The following GRID2 variants were observed in gnomAD, a reference collection of about 807,000 sequenced individuals.
The protein encoded by GRID2 is glutamate receptor ionotropic, delta-2.
In GRID2, 33 loss-of-function variants were observed where a neutral mutation model predicts 114.8. That is an observed-to-expected ratio of 0.29 (90% CI 0.22 to 0.38). The LOEUF (loss-of-function observed/expected upper bound fraction) is 0.38. Among genes scored for constraint, GRID2 ranks in the 10% least tolerant of loss-of-function variants. The pLI, the probability that GRID2 is intolerant of heterozygous loss-of-function variation, is 1.00. For synonymous variants in GRID2, 505 were observed against 449.9 expected (o/e 1.12, Z -1.55); for missense variants, 1,184 against 1,257.7 (o/e 0.94, Z 0.89).
At chr4:92,993,683 G>A (rs1755039586) in intron 2 of GRID2, among the ~76,000 whole-genome samples, 1 of 152,098 alleles carries the variant, frequency 6.6e-6, no homozygotes, top group Non-Finnish European at 1.5e-5. Context: ...TAGATCTCAG[G>A]TCACTGATTA....
intron 2 of GRID2, among the ~76,000 whole-genome samples, chr4:92,805,976 A>G (rs1300251203): frequency 6.6e-6 from 1 of 151,674 alleles, no homozygotes; most frequent in Non-Finnish European, 1.5e-5. Context: ...CTACACAATC[A>G]TATTTTGTAT....
At chr4:93,680,813 A>G (rs911120107) in intron 14 of GRID2, among the ~76,000 whole-genome samples, 1 of 152,150 alleles carries the variant, frequency 6.6e-6, no homozygotes. Flanking sequence ...CAAACCCCAC[A>G]GCCAATATCA....
intron 1 of GRID2, among the ~76,000 whole-genome samples, chr4:92,345,234 T>C (rs1727705110): frequency 6.6e-6 from 1 of 152,248 alleles, no homozygotes; most frequent in South Asian, 2.1e-4. Context: ...CCCGAGCTAC[T>C]TCACTTAGAA....
intron 2 of GRID2, among the ~76,000 whole-genome samples, chr4:92,986,728 A>C (rs1754529273): frequency 6.6e-6 from 1 of 152,176 alleles, no homozygotes; most frequent in African/African-American, 2.4e-5. Flanking sequence ...CTTTTTTAAA[A>C]AGCTGTAACA....
chr4:92,427,394 CAT>C (rs1732213155), intron 1 of GRID2, among the ~76,000 whole-genome samples: 1 of 152,224 alleles, frequency 6.6e-6, no homozygotes, highest in Non-Finnish European at 1.5e-5. Context: ...AGCATACAAA[CAT>C]AGGTTTGTTG....
At chr4:92,436,918 T>C (rs1000114571) in intron 1 of GRID2, among the ~76,000 whole-genome samples, 3 of 152,148 alleles carry the variant, frequency 2.0e-5, no homozygotes, top group African/African-American at 7.2e-5. Context: ...AAATAATAGG[T>C]AATGAATGCT....
intron 8 of GRID2, among the ~76,000 whole-genome samples, chr4:93,251,104 A>G (rs542472915): frequency 6.6e-6 from 1 of 152,280 alleles, no homozygotes; most frequent in African/African-American, 2.4e-5. Flanking sequence ...GTGACCTTGC[A>G]TTCAAGAAAC....
At chr4:92,926,391 A>G (rs1749810246) in intron 2 of GRID2, among the ~76,000 whole-genome samples, 1 of 152,018 alleles carries the variant, frequency 6.6e-6, no homozygotes, top group African/African-American at 2.4e-5. Flanking sequence ...ATCAGTATGT[A>G]CAATGAAGAG....
At chr4:93,740,067 C>T (rs954431347) in intron 14 of GRID2, among the ~76,000 whole-genome samples, 14 of 152,098 alleles carry the variant, frequency 9.2e-5, no homozygotes, top group African/African-American at 3.4e-4. Flanking sequence ...ATATAGAAGA[C>T]GGTGGTCCCA....
At chr4:92,517,415 C>A (rs1056997482) in intron 1 of GRID2, among the ~76,000 whole-genome samples, 1 of 151,722 alleles carries the variant, frequency 6.6e-6, no homozygotes, top group African/African-American at 2.4e-5. Context: ...GTGTTCATAC[C>A]TTTGAGGATA....
intron 11 of GRID2, among the ~76,000 whole-genome samples, chr4:93,482,203 A>C (rs189205800): frequency 6.6e-6 from 1 of 152,044 alleles, no homozygotes; most frequent in Non-Finnish European, 1.5e-5. Context: ...TACCCAAAGG[A>C]TTATAAATCA....
intron 13 of GRID2, among the ~76,000 whole-genome samples, chr4:93,579,540 A>T (rs968838322): frequency 1.3e-5 from 2 of 152,136 alleles, no homozygotes; most frequent in Non-Finnish European, 2.9e-5. Context: ...TGCAAAAAAA[A>T]TACTTAAGGC....
chr4:92,538,681 T>C (rs1031319), intron 1 of GRID2, among the ~76,000 whole-genome samples: 67,112 of 151,990 alleles, frequency 0.44, 14,954 homozygotes, highest in Middle Eastern at 0.56. Flanking sequence ...CACACTTGTC[T>C]ATTACTGCAT....
chr4:93,502,733 C>CCACACACA (rs147212858), intron 12 of GRID2, among the ~76,000 whole-genome samples: 4 of 141,250 alleles, frequency 2.8e-5, no homozygotes, highest in South Asian at 4.7e-4. Context: ...CACACGCACA[C>CCACACACA]CACACACACA....
At chr4:93,332,098 G>A (rs968745312) in intron 8 of GRID2, among the ~76,000 whole-genome samples, 1 of 152,014 alleles carries the variant, frequency 6.6e-6, no homozygotes, top group African/African-American at 2.4e-5. Context: ...AACACAGAAT[G>A]TATTGCCAAC....
chr4:92,320,396 A>G (rs983331774), intron 1 of GRID2, among the ~76,000 whole-genome samples: 7 of 152,170 alleles, frequency 4.6e-5, no homozygotes, highest in Non-Finnish European at 1.0e-4. Flanking sequence ...CTAATTCTAC[A>G]CCAGGAGGCT....
At chr4:92,697,826 G>A (rs1386706353) in intron 2 of GRID2, among the ~76,000 whole-genome samples, 1 of 152,064 alleles carries the variant, frequency 6.6e-6, no homozygotes, top group Non-Finnish European at 1.5e-5. Context: ...AGGTCAGGTT[G>A]CACCATTTGA....
intron 13 of GRID2, among the ~76,000 whole-genome samples, chr4:93,546,671 A>C (rs1353699006): frequency 1.3e-5 from 2 of 152,194 alleles, no homozygotes; most frequent in Non-Finnish European, 2.9e-5. Flanking sequence ...ATTTAATAGG[A>C]TACACATGAG....
At chr4:93,567,241 G>A (rs1160721122) in intron 13 of GRID2, among the ~76,000 whole-genome samples, 1 of 152,034 alleles carries the variant, frequency 6.6e-6, no homozygotes, top group African/African-American at 2.4e-5. Flanking sequence ...AATCTGATAT[G>A]GTTATTTCCC....
Sources: allele counts gnomAD v4.1 joint callset (sites outside exome capture counted in the v4.1 genomes callset), GRCh38; gene constraint gnomAD v4.1.1; transcripts MANE v1.5; gene names NCBI Gene and HGNC (gene_info 2026-07-23, HGNC 2026-07-21).